LTBP1: variants seen among roughly 807,000 people sequenced by gnomAD.
LTBP1 encodes latent-transforming growth factor beta-binding protein 1.
In LTBP1, 129 loss-of-function variants were observed where a neutral mutation model predicts 207.6. That is an observed-to-expected ratio of 0.62 (90% CI 0.54 to 0.72). The LOEUF (loss-of-function observed/expected upper bound fraction) is 0.72. LTBP1 is among the 30% of genes least tolerant of loss of function. LTBP1 has a pLI of 0.00. For synonymous variants in LTBP1, 963 were observed against 833.7 expected (o/e 1.16, Z -2.67); for missense variants, 2,281 against 2,217.2 (o/e 1.03, Z -0.58).
rs2093413848 is a variant in LTBP1, at chr2:33,275,785, T to C, written c.2870-16T>C. 6.2e-7 allele frequency: 1 copy of C among 1,613,884 alleles called. No homozygotes were observed. The highest frequency in any genetic ancestry group is 1.3e-5 in the African/African-American group (1 of 75,064). On this transcript the variant is annotated splice_polypyrimidine_tract_variant and intron_variant, in intron 17 of 33. Coordinates refer to ENST00000404816, the MANE Select transcript of LTBP1 (RefSeq NM_206943.4). ...TTTGGAACACAAAACTCAACAATGC[T>C]ATCTGCTCTTCGTAGATGTTGACGA... is the stretch of plus-strand genomic sequence containing the variant.
At chr2:33,086,157 C>T (rs1366451243) in intron 3 of LTBP1, among the ~76,000 whole-genome samples, 20 of 152,204 alleles carry the variant, frequency 1.3e-4, no homozygotes, top group Admixed American at 1.2e-3. Flanking sequence ...TGGAAGGGAA[C>T]CATCAGTAAG....
At chr2:33,064,123 G>T (rs1013719606) in intron 3 of LTBP1, among the ~76,000 whole-genome samples, 1 of 152,152 alleles carries the variant, frequency 6.6e-6, no homozygotes, top group Non-Finnish European at 1.5e-5. Flanking sequence ...AAAGTGCTAG[G>T]ATTACAGGCG....
At chr2:33,327,697 T>G (rs1421783261) in intron 24 of LTBP1, among the ~76,000 whole-genome samples, 1 of 152,116 alleles carries the variant, frequency 6.6e-6, no homozygotes, top group Non-Finnish European at 1.5e-5. Context: ...AATATTTCAG[T>G]CTAATATATA....
intron 8 of LTBP1, among the ~76,000 whole-genome samples, chr2:33,217,957 C>G (rs1359622569): frequency 6.6e-6 from 1 of 152,118 alleles, no homozygotes; most frequent in Non-Finnish European, 1.5e-5. Flanking sequence ...AAAATAAGAT[C>G]TCTTTTAAAA....
chr2:33,030,487 G>C (rs531377138), intron 3 of LTBP1, among the ~76,000 whole-genome samples: 1 of 152,228 alleles, frequency 6.6e-6, no homozygotes, highest in East Asian at 1.9e-4. Flanking sequence ...AACCATTTCC[G>C]TGTAGTGAGG....
At chr2:33,375,650 C>G (rs1161917084) in intron 31 of LTBP1, among the ~76,000 whole-genome samples, 5 of 152,024 alleles carry the variant, frequency 3.3e-5, no homozygotes, top group Non-Finnish European at 1.5e-5. Flanking sequence ...GCCTCAGCCT[C>G]CTGAGTAGCT....
intron 3 of LTBP1, among the ~76,000 whole-genome samples, chr2:33,038,279 T>G (rs1291139251): frequency 6.6e-6 from 1 of 152,250 alleles, no homozygotes; most frequent in Non-Finnish European, 1.5e-5. Context: ...CAGATGCGAC[T>G]CCTCCTGTTC....
chr2:33,380,565 G>A (rs1165667517), intron 31 of LTBP1, among the ~76,000 whole-genome samples: 6 of 151,732 alleles, frequency 4.0e-5, no homozygotes, highest in South Asian at 2.1e-4. Flanking sequence ...GTGAAACTCC[G>A]TCTTTAAAAA....
chr2:33,357,565 T>C (rs1464860183), intron 26 of LTBP1, among the ~76,000 whole-genome samples: 2 of 152,168 alleles, frequency 1.3e-5, no homozygotes, highest in Non-Finnish European at 2.9e-5. Context: ...CTCATATAGT[T>C]ACCCTCTGGA....
At position 32,997,684 on chromosome 2, in the gene LTBP1, C is replaced by T. The variant is rs1685498964; in HGVS notation, c.566-23225C>T. Among the ~76,000 whole-genome samples the T allele has an allele frequency of 1.3e-5, 2 of 152,108 alleles. 1 individual carries two copies. The highest frequency in any genetic ancestry group is 4.2e-4 in the South Asian group (2 of 4,810). ...CAGAGGGTATCAGGAGTTGAAGGGCCAGGACAACTCCAAAGCTGTGACACC... is the reference window on the plus strand; with the variant it reads ...CAGAGGGTATCAGGAGTTGAAGGGCTAGGACAACTCCAAAGCTGTGACACC... On this transcript the variant is annotated intron_variant, in intron 2 of 33. Coordinates refer to ENST00000404816, the MANE Select transcript of LTBP1 (RefSeq NM_206943.4).
At chr2:33,159,171 C>G (rs542820336) in intron 5 of LTBP1, among the ~76,000 whole-genome samples, 1 of 152,178 alleles carries the variant, frequency 6.6e-6, no homozygotes, top group African/African-American at 2.4e-5. Context: ...CTACATTTTG[C>G]TTGCTTCCCT....
chr2:33,395,565 A>C lies in LTBP1; in HGVS notation c.4835-1568A>C, dbSNP rs372775527. Reference sequence around the variant, plus strand: ...ATGCTCTAAAGTTTCTTCTTCACCTATCTCCCCTCAGGGCACCTAATCTTA... The same window carrying C: ...ATGCTCTAAAGTTTCTTCTTCACCTCTCTCCCCTCAGGGCACCTAATCTTA... On this transcript the variant is annotated intron_variant, in intron 32 of 33. Transcript: ENST00000404816. 5.7e-4 allele frequency among the ~76,000 whole-genome samples: 87 copies of C among 152,228 alleles called. No homozygotes were observed. In the South Asian group the frequency reaches 0.017, roughly 29 times the overall value.
chr2:33,239,904 A>AAATG (rs1469399136), intron 9 of LTBP1, among the ~76,000 whole-genome samples: 1 of 149,306 alleles, frequency 6.7e-6, no homozygotes, highest in East Asian at 2.0e-4. Context: ...ACTCCATCTT[A>AAATG]AATAAATAAA....
chr2:33,072,953 T>A (rs1327729052), intron 3 of LTBP1, among the ~76,000 whole-genome samples: 1 of 152,204 alleles, frequency 6.6e-6, no homozygotes, highest in Non-Finnish European at 1.5e-5. Flanking sequence ...AGAGTAGAAG[T>A]CTGGAGATAT....
intron 3 of LTBP1, among the ~76,000 whole-genome samples, chr2:33,094,089 A>G (rs1369178815): frequency 3.9e-5 from 6 of 152,180 alleles, no homozygotes; most frequent in Non-Finnish European, 7.4e-5. Flanking sequence ...ATAACTTTCA[A>G]TAAAGCTTTT....
chr2:33,238,086 TAGTC>T (rs552354613), intron 9 of LTBP1, among the ~76,000 whole-genome samples: 163 of 130,580 alleles, frequency 1.2e-3, no homozygotes, highest in Non-Finnish European at 1.8e-3. Flanking sequence ...AATAACTTAA[TAGTC>T]TGTCTGGGAA....
chr2:33,149,244 A>AC (rs2083319593), intron 5 of LTBP1, among the ~76,000 whole-genome samples: 3 of 140,482 alleles, frequency 2.1e-5, no homozygotes, highest in Non-Finnish European at 4.7e-5. Context: ...AAAAAAAAAA[A>AC]AAAAAAAAAA....
chr2:33,018,692 CAG>C (rs1378038937), intron 2 of LTBP1, among the ~76,000 whole-genome samples: 1 of 152,176 alleles, frequency 6.6e-6, no homozygotes, highest in African/African-American at 2.4e-5. Flanking sequence ...TCTAGAAACA[CAG>C]AGCTTTTGAA....
chr2:33,211,018 A>G (rs1009273458), intron 7 of LTBP1, among the ~76,000 whole-genome samples: 8 of 152,160 alleles, frequency 5.3e-5, no homozygotes, highest in African/African-American at 1.9e-4. Context: ...GCTCTAAAAG[A>G]TGTTCTCTAC....
Sources: gnomAD v4.1 joint callset for allele counts (sites outside exome capture counted in the v4.1 genomes callset) on GRCh38, gnomAD v4.1.1 for gene constraint, MANE v1.5 for transcripts, NCBI Gene and HGNC (gene_info 2026-07-23, HGNC 2026-07-21) for gene names.